The following CYRIB variants were observed in gnomAD, a reference collection of about 807,000 sequenced individuals.
CYRIB encodes CYFIP-related Rac1 interactor B.
A neutral mutation model predicts 44.2 loss-of-function variants in CYRIB; 8 were observed. The ratio of observed to expected loss-of-function variants is 0.18; its 90% CI spans 0.11 to 0.33. The LOEUF (loss-of-function observed/expected upper bound fraction) is 0.33, where lower values mean the gene tolerates loss of function less well. Ranked by LOEUF, CYRIB falls within the 10% of genes least tolerant of loss-of-function variation. CYRIB has a pLI of 1.00. For synonymous variants in CYRIB, 131 were observed against 127.2 expected, an observed-to-expected ratio of 1.03 and a Z score of -0.20; for missense variants, 185 against 382.8, an observed-to-expected ratio of 0.48 and a Z score of 4.31.
chr8:129,962,695 G>A (rs2095317602), intron 2 of CYRIB, among the ~76,000 whole-genome samples: 1 of 151,820 alleles, frequency 6.6e-6, no homozygotes, highest in South Asian at 2.1e-4. Flanking sequence ...CCTCTGCAAA[G>A]TCTCCATCTG....
chr8:129,986,860 C>A (rs1379169045), intron 1 of CYRIB, among the ~76,000 whole-genome samples: 6 of 152,220 alleles, frequency 3.9e-5, no homozygotes, highest in Non-Finnish European at 7.3e-5. Flanking sequence ...AGCCTCCAAG[C>A]CCCTTCTGGT....
intron 2 of CYRIB, among the ~76,000 whole-genome samples, chr8:129,883,630 C>A (rs567399372): frequency 2.2e-4 from 34 of 152,098 alleles, no homozygotes; most frequent in South Asian, 4.2e-4. Context: ...ACAAAAAAAA[C>A]CCCTGCTGTC....
At chr8:130,003,664 G>A (rs2096960775) in intron 1 of CYRIB, among the ~76,000 whole-genome samples, 1 of 152,214 alleles carries the variant, frequency 6.6e-6, no homozygotes, top group Non-Finnish European at 1.5e-5. Flanking sequence ...GATGATCAGG[G>A]AAAACGAAAG....
chr8:129,939,624 C>T (rs2093450009), exon 1 of CYRIB: 1 of 152,362 alleles, frequency 6.6e-6, no homozygotes, highest in Non-Finnish European at 1.5e-5. Flanking sequence ...CTCGAGCCTC[C>T]AGGCGCTCTC....
chr8:130,012,223 A>G (rs1209765646), intron 1 of CYRIB, among the ~76,000 whole-genome samples: 4 of 152,186 alleles, frequency 2.6e-5, no homozygotes, highest in Non-Finnish European at 5.9e-5. Context: ...TCAATGGGAC[A>G]GAATGTAAGC....
chr8:129,855,817 A>G, intron 5 of CYRIB, 70 bp from the exon 8 acceptor site: 5 of 1,366,686 alleles, frequency 3.7e-6, no homozygotes, highest in Non-Finnish European at 5.0e-6. Flanking sequence ...TAAAAAGTGA[A>G]CAATTCATAA....
chr8:129,895,946 A>G (rs1347365362), intron 2 of CYRIB, among the ~76,000 whole-genome samples: 5 of 152,210 alleles, frequency 3.3e-5, no homozygotes, highest in Non-Finnish European at 7.3e-5. Context: ...ATTTTGTAAG[A>G]CTGACCTGTA....
At chr8:129,933,640 G>A (rs2092176800) in intron 1 of CYRIB, among the ~76,000 whole-genome samples, 1 of 152,150 alleles carries the variant, frequency 6.6e-6, no homozygotes, top group South Asian at 2.1e-4. Context: ...CACTTTGGGA[G>A]GCCGAGGCGG....
At position 129,865,542 on chromosome 8, in the gene CYRIB, C is replaced by T. The variant is rs140817553; in HGVS notation, c.196-3208G>A. Among the ~76,000 whole-genome samples the T allele has an allele frequency of 4.6e-4, 70 of 152,322 alleles. No individual in the cohort carries two copies. In the South Asian group the frequency reaches 0.01, roughly 22 times the overall value. ...TATTGTTTCATTTGTATGACTCCTG[C>T]TTCTGAGAGAAAAGTTTCCAAAAAT... is the stretch of plus-strand genomic sequence containing the variant. On this transcript the variant is annotated intron_variant, in intron 4 of 11. Coordinates refer to ENST00000519824, the Ensembl canonical transcript of CYRIB.
At chr8:129,936,949 C>T (rs1214137138) in intron 1 of CYRIB, among the ~76,000 whole-genome samples, 1 of 152,090 alleles carries the variant, frequency 6.6e-6, no homozygotes, top group Non-Finnish European at 1.5e-5. Context: ...CCTCGTGATC[C>T]GCCCGCCTCG....
intron 1 of CYRIB, among the ~76,000 whole-genome samples, chr8:130,013,401 G>A (rs986396097): frequency 2.0e-5 from 3 of 152,214 alleles, no homozygotes; most frequent in Non-Finnish European, 4.4e-5. Flanking sequence ...GACCAACGGG[G>A]ATTCTTTTGC....
Position 129,859,053 on chromosome 8 carries a change from T to C in CYRIB, c.301+3176A>G, listed in dbSNP as rs181171235. The stretch of plus-strand genomic sequence containing the variant: ...ACTACCACCAAGACGCAGAGACCGG[T>C]AGTGGCCCCGAATGCTAGGCTGCAC... On this transcript the variant is annotated intron_variant, in intron 5 of 11. Coordinates refer to ENST00000519824, the Ensembl canonical transcript of CYRIB. 3.7e-3 allele frequency among the ~76,000 whole-genome samples: 563 copies of C among 152,086 alleles called. 4 individuals carry two copies. Among genetic ancestry groups the C allele is most frequent in the African/African-American group, 0.013 (545 of 41,456 alleles).
chr8:129,872,534 A>T (rs551200495), intron 3 of CYRIB, among the ~76,000 whole-genome samples: 5 of 152,226 alleles, frequency 3.3e-5, no homozygotes, highest in Middle Eastern at 6.8e-3. Flanking sequence ...GGACTCTAAG[A>T]GGAAATGAAG....
At position 129,959,874 on chromosome 8, in the gene CYRIB, G is replaced by T. The variant is rs148896633; in HGVS notation, c.-243+11069C>A. ...ATCCAATCAGGACAAAGTTCAGGAA[G>T]TTTGTTCAGTGGCTCTAGGGAGAGA... is the stretch of plus-strand genomic sequence containing the variant. On this transcript the variant is annotated intron_variant, in intron 2 of 14. Coordinates refer to the CYRIB transcript ENST00000401979. 2.3e-3 allele frequency among the ~76,000 whole-genome samples: 352 copies of T among 152,288 alleles called. 1 individual carries two copies. The highest frequency in any genetic ancestry group is 7.9e-3 in the African/African-American group (330 of 41,572).
At chr8:130,008,404 G>A (rs1471595862) in intron 1 of CYRIB, 2 of 154,158 alleles carry the variant, frequency 1.3e-5, no homozygotes, top group Non-Finnish European at 2.9e-5. Flanking sequence ...CAATTCCTGA[G>A]TGAAAAGAAT....
chr8:130,009,690 C>T (rs550862684), intron 1 of CYRIB, among the ~76,000 whole-genome samples: 4 of 152,172 alleles, frequency 2.6e-5, no homozygotes, highest in Admixed American at 1.3e-4. Flanking sequence ...GGGAGAAGGA[C>T]GTGTATATGG....
chr8:129,909,637 T>A (rs567687250), intron 1 of CYRIB, among the ~76,000 whole-genome samples: 3 of 152,362 alleles, frequency 2.0e-5, no homozygotes, highest in African/African-American at 7.2e-5. Context: ...TAAACGATGC[T>A]ATATGCCCAA....
intron 2 of CYRIB, among the ~76,000 whole-genome samples, chr8:129,949,677 G>A (rs2094398511): frequency 6.6e-6 from 1 of 151,378 alleles, no homozygotes. Flanking sequence ...AGACCAGCCT[G>A]ACCAACACAT....
At chr8:130,011,869 A>C (rs1252190454) in intron 1 of CYRIB, among the ~76,000 whole-genome samples, 2 of 151,808 alleles carry the variant, frequency 1.3e-5, no homozygotes, top group African/African-American at 4.8e-5. Flanking sequence ...TTAAAAAAAA[A>C]AAGAACGCTG....
Sources: allele counts gnomAD v4.1 joint callset (sites outside exome capture counted in the v4.1 genomes callset), GRCh38; gene constraint gnomAD v4.1.1; transcripts MANE v1.5; gene names NCBI Gene and HGNC (gene_info 2026-07-23, HGNC 2026-07-21).